Variants in FANCC observed in about 807,000 individuals in gnomAD.
FANCC encodes the protein FA complementation group C, also known as Fanconi anemia group C protein.
In FANCC, 55 loss-of-function variants were observed where a neutral mutation model predicts 71.3. The ratio of observed to expected loss-of-function variants is 0.77; its 90% confidence interval spans 0.62 to 0.97. The LOEUF is 0.97. FANCC is among the 50% of genes least tolerant of loss of function. FANCC has a pLI of 0.00. For missense variants in FANCC, 678 were observed against 670.9 expected (o/e 1.01, Z -0.12); for synonymous variants, 275 against 244.9 (o/e 1.12, Z -1.15).
chr9:95,134,691 G>A (rs1182611322), intron 8 of FANCC, among the ~76,000 whole-genome samples: 2 of 152,222 alleles, frequency 1.3e-5, no homozygotes, highest in African/African-American at 4.8e-5. Flanking sequence ...CCACAGAGCT[G>A]CCTCCCACAA....
At chr9:95,109,359 T>C (rs1448215440) in intron 13 of FANCC, among the ~76,000 whole-genome samples, 2 of 152,232 alleles carry the variant, frequency 1.3e-5, no homozygotes, top group Non-Finnish European at 2.9e-5. Flanking sequence ...AATATTCTTA[T>C]ACATAAGCCT....
intron 1 of FANCC, among the ~76,000 whole-genome samples, chr9:95,285,038 T>C (rs182531661): frequency 4.6e-5 from 7 of 151,256 alleles, no homozygotes; most frequent in African/African-American, 1.7e-4. Context: ...AAAAAAAAGA[T>C]TTTGATATCT....
intron 1 of FANCC, among the ~76,000 whole-genome samples, chr9:95,290,580 G>GC: frequency 6.6e-6 from 1 of 152,292 alleles, no homozygotes; most frequent in Non-Finnish European, 1.5e-5. Context: ...AACTACCAGA[G>GC]TGGGTAGGTA....
At chr9:95,179,562 G>A (rs1413137610) in intron 4 of FANCC, among the ~76,000 whole-genome samples, 1 of 152,140 alleles carries the variant, frequency 6.6e-6, no homozygotes, top group Non-Finnish European at 1.5e-5. Flanking sequence ...GGCCAGGCTG[G>A]TCTCGAACTC....
rs2070996549 is a variant in FANCC at position 95,099,080 on chromosome 9, G to A, written c.*2627C>T. On this transcript the variant is annotated 3_prime_UTR_variant, in exon 15 of 15. Coordinates refer to ENST00000289081, the MANE Select transcript of FANCC (RefSeq NM_000136.3). ...TAGGTGCAAACTGAAGTTTTATTTA[G>A]AATGAAAAAATAGACAACAAATTAC... The A allele has an allele frequency of 5.2e-6, 1 of 190,616 alleles. No individual in the cohort carries two copies. Among genetic ancestry groups the A allele is most frequent in the Non-Finnish European group, 1.1e-5 (1 of 90,966 alleles). 11.8% of individuals were successfully genotyped at this position (190,616 alleles called of 1,614,324 possible).
chr9:95,101,278 G>A lies in FANCC; in HGVS notation c.*429C>T, dbSNP rs748660707. On this transcript the variant is annotated 3_prime_UTR_variant, in exon 15 of 15. Coordinates refer to ENST00000289081, the MANE Select transcript of FANCC (RefSeq NM_000136.3). ...ATCCCAGATCCCTGACTCCTAAAAAGAGTCTAAAAAGAGCTAAGTTCTCTC... is the reference window on the plus strand; with the variant it reads ...ATCCCAGATCCCTGACTCCTAAAAAAAGTCTAAAAAGAGCTAAGTTCTCTC... 1.9e-5 allele frequency: 6 copies of A among 309,428 alleles called. No individual in the cohort carries two copies. The highest frequency in any genetic ancestry group is 3.1e-5 in the Non-Finnish European group (5 of 163,734). The allele number at this position is 309,428 out of a possible 1,614,324, so 19.2% of individuals were successfully genotyped here. A position where few individuals can be genotyped will look rare whatever the true frequency, so the allele number is the denominator to read the frequency against.
At chr9:95,231,586 T>C (rs1021504378) in intron 4 of FANCC, among the ~76,000 whole-genome samples, 4 of 152,126 alleles carry the variant, frequency 2.6e-5, no homozygotes, top group African/African-American at 7.2e-5. Context: ...ACCATTCAAA[T>C]TGTCTACAAG....
chr9:95,109,080 C>CTT (rs1564644478), intron 13 of FANCC, among the ~76,000 whole-genome samples: 1 of 151,956 alleles, frequency 6.6e-6, no homozygotes. Flanking sequence ...TGGCTAATTT[C>CTT]TTTATTTATT....
At chr9:95,211,916 T>C (rs1406474799) in intron 4 of FANCC, among the ~76,000 whole-genome samples, 1 of 148,552 alleles carries the variant, frequency 6.7e-6, no homozygotes, top group African/African-American at 2.5e-5. Context: ...GAATACAATA[T>C]ATGAAATAAA....
At chr9:95,171,753 C>T (rs1825693331) in intron 5 of FANCC, among the ~76,000 whole-genome samples, 1 of 152,154 alleles carries the variant, frequency 6.6e-6, no homozygotes, top group African/African-American at 2.4e-5. Flanking sequence ...TAGCTAAGAA[C>T]AGCTCTTCTC....
At chr9:95,280,066 A>C (rs926599137) in intron 1 of FANCC, among the ~76,000 whole-genome samples, 2 of 152,152 alleles carry the variant, frequency 1.3e-5, no homozygotes, top group African/African-American at 4.8e-5. Flanking sequence ...GAAAAATACA[A>C]ACAGATTGGA....
chr9:95,163,736 C>T (rs1255464886), intron 6 of FANCC, among the ~76,000 whole-genome samples: 1 of 152,170 alleles, frequency 6.6e-6, no homozygotes, highest in African/African-American at 2.4e-5. Flanking sequence ...GTAATCCCAG[C>T]TACTCGGGAG....
rs62579175 is a variant in FANCC, at chr9:95,216,282, C to T, written c.345+24367G>A. ...CACAATGATAAAAGGGTCAATTCAT[C>T]AAGAAGATGTAACAATTCTAAATGT... On this transcript the variant is annotated intron_variant, in intron 4 of 14. Coordinates refer to ENST00000289081, the MANE Select transcript of FANCC (RefSeq NM_000136.3). 2.1e-3 allele frequency among the ~76,000 whole-genome samples: 326 copies of T among 152,216 alleles called. 1 individual carries two copies. The highest frequency in any genetic ancestry group is 2.2e-3 in the Admixed American group (34 of 15,300).
At chr9:95,144,515 C>T (rs917262845) in intron 7 of FANCC, among the ~76,000 whole-genome samples, 1 of 152,164 alleles carries the variant, frequency 6.6e-6, no homozygotes, top group Non-Finnish European at 1.5e-5. Flanking sequence ...TCTCTGGGCA[C>T]GTCGCCTGGC....
Position 95,125,006 on chromosome 9 carries a change from A to T in FANCC, c.996+80T>A, listed in dbSNP as rs1053832234. On this transcript the variant is annotated intron_variant, in intron 10 of 14. Transcript: ENST00000289081. ...AAACAGTCCATCAAAATTATTGAAAATAAAGTGCTCTTGTCCAAAATACTC... is the reference window on the plus strand; with the variant it reads ...AAACAGTCCATCAAAATTATTGAAATTAAAGTGCTCTTGTCCAAAATACTC... 4 of 1,223,382 alleles carry T rather than the reference A, an allele frequency of 3.3e-6. No individual in the cohort carries two copies. The African/African-American group carries it at 6.0e-5, about 18-fold the overall frequency. 75.8% of individuals were successfully genotyped at this position (1,223,382 alleles called of 1,614,324 possible).
Position 95,117,339 on chromosome 9 carries a change from T to A in FANCC, c.1048A>T (p.Met350Leu). The A allele has an allele frequency of 3.1e-6, 5 of 1,614,074 alleles. No homozygotes were observed. The East Asian group carries it at 8.9e-5, about 29-fold the overall frequency. ...CCTTGAGGGTCTTGCAGCAGCACCA[T>A]GGCAAGAGATGGAGAAGTGTAAGGA... ...YFPYTSPSLA[M>L]VLLQDPQDIP... The change falls in exon 11 of 15, where the codon ATG becomes TTG. Residue 350 changes from methionine to leucine, a missense_variant. Coordinates refer to ENST00000289081, the MANE Select transcript of FANCC (RefSeq NM_000136.3).
chr9:95,293,329 T>C, intron 1 of FANCC: 2 of 1,609,664 alleles, frequency 1.2e-6, no homozygotes, highest in South Asian at 1.1e-5. Context: ...TGGTGTTAGG[T>C]GTTGATCAGG....
chr9:95,111,325 G>A (rs748576056), intron 13 of FANCC, 138 bp downstream of exon 13: 4 of 1,596,762 alleles, frequency 2.5e-6, no homozygotes, highest in Non-Finnish European at 3.4e-6. Flanking sequence ...CATGCCTGCA[G>A]GTTGCCATGA....
At chr9:95,235,215 C>T (rs955404585) in intron 4 of FANCC, among the ~76,000 whole-genome samples, 3 of 47,448 alleles carry the variant, frequency 6.3e-5, no homozygotes, top group Non-Finnish European at 1.1e-4. Context: ...GGAAATGCAC[C>T]CAAAGGCACC....
Sources: gnomAD v4.1 joint callset for allele counts (sites outside exome capture counted in the v4.1 genomes callset) on GRCh38, gnomAD v4.1.1 for gene constraint, MANE v1.5 for transcripts, NCBI Gene and HGNC (gene_info 2026-07-23, HGNC 2026-07-21) for gene names.